The following CELF2 variants were observed in gnomAD, a reference collection of about 807,000 sequenced individuals.
CELF2 encodes CUG triplet repeat RNA-binding protein 2.
CELF2 carries 8 observed loss-of-function variants against 62.6 expected under a neutral mutation model. That is an observed-to-expected ratio of 0.13 (90% CI 0.07 to 0.23). CELF2 has a LOEUF of 0.23. Ranked by LOEUF, CELF2 falls within the 10% of genes least tolerant of loss-of-function variation. CELF2 has a pLI of 1.00. For missense variants in CELF2, 333 were observed against 671.0 expected, an observed-to-expected ratio of 0.50 and a Z score of 5.56; for synonymous variants, 258 against 250.0, an observed-to-expected ratio of 1.03 and a Z score of -0.30.
At chr10:10,772,039 G>A in the CELF2 span, among the ~76,000 whole-genome samples, 242 of 152,166 alleles carry the variant, frequency 1.6e-3, no homozygotes, top group African/African-American at 5.4e-3. Flanking sequence ...CCATGCCTTA[G>A]ACTATAGCAG....
At chr10:10,989,431 A>G (rs976295863) in intron 2 of CELF2, among the ~76,000 whole-genome samples, 3 of 152,164 alleles carry the variant, frequency 2.0e-5, no homozygotes, top group African/African-American at 7.2e-5. Context: ...AAACATACAC[A>G]TCTTACCCCA....
chr10:11,300,591 G>C lies in CELF2; in HGVS notation c.976+12039G>C, dbSNP rs1284333327. ...TATCTTCGAGGGACTAAATTAAAATGAAAGGTGTGGTTATTGTGGAATAAT... is the reference window on the plus strand; with the variant it reads ...TATCTTCGAGGGACTAAATTAAAATCAAAGGTGTGGTTATTGTGGAATAAT... On this transcript the variant is annotated intron_variant, in intron 9 of 12. Coordinates refer to ENST00000633077, the MANE Select transcript of CELF2 (RefSeq NM_001326342.2). The surrounding 1 kb of genome is among the most constrained non-coding windows in gnomAD (Gnocchi z 5.5). Among the ~76,000 whole-genome samples, 1 of 151,886 alleles carries C rather than the reference G, an allele frequency of 6.6e-6. No individual in the cohort carries two copies. The highest frequency in any genetic ancestry group is 2.4e-5 in the African/African-American group (1 of 41,398).
rs2094552758 is a variant in CELF2 at position 11,311,395 on chromosome 10, A to T, written c.977-2744A>T. On this transcript the variant is annotated intron_variant, in intron 9 of 12. Coordinates refer to ENST00000633077, the MANE Select transcript of CELF2 (RefSeq NM_001326342.2). The surrounding 1 kb of genome is among the most constrained non-coding windows in gnomAD (Gnocchi z 4.7). Reference sequence around the variant, plus strand: ...AGAACCCATCTTCAACCCAGGCCTCAAATTATTCCTAGAAATAAAGTTCCA... The same window carrying T: ...AGAACCCATCTTCAACCCAGGCCTCTAATTATTCCTAGAAATAAAGTTCCA... 6.6e-6 allele frequency among the ~76,000 whole-genome samples: 1 copy of T among 152,184 alleles called. No individual in the cohort carries two copies. The highest frequency in any genetic ancestry group is 6.5e-5 in the Admixed American group (1 of 15,284).
In CELF2 at chr10:11,314,667, CAGGCAG is replaced by C. The variant is rs2094805185; in HGVS notation, c.1096+411_1096+416del. 6.3e-6 allele frequency: 2 copies of C among 315,100 alleles called. No homozygotes were observed. The highest frequency in any genetic ancestry group is 1.2e-5 in the Non-Finnish European group (2 of 161,128). The allele number at this position is 315,100 out of a possible 1,614,324, so 19.5% of individuals were successfully genotyped here. A position where few individuals can be genotyped will look rare whatever the true frequency, so the allele number is the denominator to read the frequency against. Reference sequence around the variant, plus strand: ...CTGCTGCCAGGCAGCTGTGGGAAGTCAGGCAGATGCTGCTCCCTCTCTGGGCTTGGG... The same window carrying C: ...CTGCTGCCAGGCAGCTGTGGGAAGTCATGCTGCTCCCTCTCTGGGCTTGGG... On this transcript the variant is annotated intron_variant, in intron 10 of 12. Coordinates refer to ENST00000633077, the MANE Select transcript of CELF2 (RefSeq NM_001326342.2). This position sits in a 1 kb window ranked among gnomAD's most constrained non-coding sequence, Gnocchi z 5.3.
intron 1 of CELF2, among the ~76,000 whole-genome samples, chr10:10,892,191 G>A (rs945501040): frequency 1.3e-5 from 2 of 152,156 alleles, no homozygotes; most frequent in African/African-American, 4.8e-5. Flanking sequence ...AAGAAGCATA[G>A]GGGTAAGCAT....
In CELF2 at chr10:11,011,726, TA is replaced by T. The variant is rs2056498521; in HGVS notation, c.53+6289del. On this transcript the variant is annotated intron_variant, in intron 1 of 12. Transcript: ENST00000416382. This position sits in a 1 kb window ranked among gnomAD's most constrained non-coding sequence, Gnocchi z 4.6. The stretch of plus-strand genomic sequence containing the variant: ...ACTAGGTAGCTATACCACTTTTTCC[TA>T]AAGGCTTTGGGTAGTTCTTTTAAGA... Among the ~76,000 whole-genome samples the T allele has an allele frequency of 1.3e-5, 2 of 151,804 alleles. No individual in the cohort carries two copies. The highest frequency in any genetic ancestry group is 4.9e-5 in the African/African-American group (2 of 41,182).
At chr10:11,124,547 A>G (rs918764798) in intron 1 of CELF2, among the ~76,000 whole-genome samples, 1 of 152,236 alleles carries the variant, frequency 6.6e-6, no homozygotes, top group African/African-American at 2.4e-5. Context: ...TGAAATGGCA[A>G]TGTTTTAAAT....
chr10:10,677,175 G>T, the CELF2 span, among the ~76,000 whole-genome samples: 3 of 152,182 alleles, frequency 2.0e-5, no homozygotes, highest in South Asian at 4.1e-4. Flanking sequence ...GTTACAGGAT[G>T]TTAATAAAAT....
At chr10:10,524,673 T>C in the CELF2 span, among the ~76,000 whole-genome samples, 4 of 152,152 alleles carry the variant, frequency 2.6e-5, no homozygotes, top group South Asian at 2.1e-4. Context: ...TTTTAAAGGT[T>C]TTAAGCACTA....
the CELF2 span, among the ~76,000 whole-genome samples, chr10:10,554,865 G>A: frequency 6.6e-6 from 1 of 152,116 alleles, no homozygotes; most frequent in Admixed American, 6.5e-5. Flanking sequence ...CCTCTACAGT[G>A]ACATATAAGG....
the CELF2 span, among the ~76,000 whole-genome samples, chr10:10,618,971 C>T: frequency 6.6e-6 from 1 of 151,558 alleles, no homozygotes; most frequent in Non-Finnish European, 1.5e-5. Context: ...AGAAGCTGGC[C>T]ATTTCACCCT....
rs999925202 is a variant in CELF2, at chr10:11,010,621, G to A, written c.53+5181G>A. ...GAGCCCGAGAGAGGTAAAGTCACAG[G>A]CCCATAGACACAGTGGGAGGAACTA... On this transcript the variant is annotated intron_variant, in intron 1 of 12. Transcript: ENST00000416382. This position sits in a 1 kb window ranked among gnomAD's most constrained non-coding sequence, Gnocchi z 4.1. 7.2e-5 allele frequency among the ~76,000 whole-genome samples: 11 copies of A among 152,146 alleles called. No individual in the cohort carries two copies. The highest frequency in any genetic ancestry group is 2.7e-4 in the African/African-American group (11 of 41,424).
chr10:10,874,380 A>T (rs969188253), intron 1 of CELF2, among the ~76,000 whole-genome samples: 2 of 152,052 alleles, frequency 1.3e-5, no homozygotes, highest in African/African-American at 4.8e-5. Context: ...GAAAGAAAAT[A>T]AAAAAGAAAG....
At chr10:11,005,255 G>GGAGAGGGAGA, upstream of CELF2, 8 of 1,175,916 alleles carry the variant, frequency 6.8e-6, no homozygotes, top group South Asian at 5.3e-5. The surrounding 1 kb of genome is among the most constrained non-coding windows in gnomAD (Gnocchi z 4.3). Context: ...AGAGAGAGAG[G>GGAGAGGGAGA]GAGAGAGAGA....
chr10:11,059,882 A>G (rs1224852566), intron 1 of CELF2, among the ~76,000 whole-genome samples: 1 of 152,216 alleles, frequency 6.6e-6, no homozygotes, highest in African/African-American at 2.4e-5. Context: ...AAATTGCTGG[A>G]GTTTATCTGA....
chr10:10,778,348 A>C, the CELF2 span, among the ~76,000 whole-genome samples: 2 of 152,246 alleles, frequency 1.3e-5, no homozygotes, highest in Non-Finnish European at 2.9e-5. Context: ...AGAGTCGTAC[A>C]CAGAGTCCTA....
chr10:11,256,181 T>C (rs982798041), intron 4 of CELF2, among the ~76,000 whole-genome samples: 4 of 152,212 alleles, frequency 2.6e-5, no homozygotes, highest in Non-Finnish European at 5.9e-5. Flanking sequence ...TAATTAAAAT[T>C]ACATTTTAGA....
chr10:10,467,718 C>T, the CELF2 span, among the ~76,000 whole-genome samples: 2 of 151,866 alleles, frequency 1.3e-5, no homozygotes, highest in Non-Finnish European at 2.9e-5. Context: ...TTCTGTTGTT[C>T]CTCATTTATG....
At chr10:11,248,651 A>T (rs1023653252) in intron 3 of CELF2, among the ~76,000 whole-genome samples, 5 of 152,384 alleles carry the variant, frequency 3.3e-5, no homozygotes, top group Admixed American at 3.3e-4. Flanking sequence ...TTTTATAATG[A>T]TACAATAACA....
Sources: gnomAD v4.1 joint callset for allele counts (sites outside exome capture counted in the v4.1 genomes callset) on GRCh38, gnomAD v4.1.1 for gene constraint, Gnocchi (gnomAD v3.1) non-coding constraint, MANE v1.5 for transcripts, NCBI Gene and HGNC (gene_info 2026-07-23, HGNC 2026-07-21) for gene names.